Variants in KLHL2 observed in about 807,000 individuals in gnomAD.
KLHL2 encodes the protein kelch-like protein 2.
In KLHL2, 15 loss-of-function variants were observed where a neutral mutation model predicts 75.8. That is an observed-to-expected ratio of 0.20 (90% CI 0.13 to 0.30). KLHL2 has a LOEUF of 0.30. KLHL2 is among the 10% of genes least tolerant of loss of function. The pLI, the probability that KLHL2 is intolerant of heterozygous loss-of-function variation, is 1.00. For missense variants in KLHL2, 381 were observed against 741.0 expected (o/e 0.51, Z 5.64); for synonymous variants, 214 against 251.9 (o/e 0.85, Z 1.42).
chr4:165,270,312 C>T (rs1742585741), intron 5 of KLHL2, among the ~76,000 whole-genome samples: 1 of 152,178 alleles, frequency 6.6e-6, no homozygotes, highest in African/African-American at 2.4e-5. Flanking sequence ...CCTTCTGAAG[C>T]CTACTTCTGT....
chr4:165,317,783 C>T (rs1434725474), intron 13 of KLHL2, 43 bp from the exon 14 acceptor site: 5 of 1,522,070 alleles, frequency 3.3e-6, no homozygotes. Flanking sequence ...CATATTCATC[C>T]CAATTTTTTA....
At chr4:165,275,023 C>T (rs73860622) in intron 5 of KLHL2, among the ~76,000 whole-genome samples, 11,391 of 152,244 alleles carry the variant, frequency 0.075, 898 homozygotes, top group African/African-American at 0.2. Flanking sequence ...GTGACCAGAC[C>T]GCCCAGGTTA....
chr4:165,210,232 C>T, intron 1 of KLHL2: 2 of 1,493,544 alleles, frequency 1.3e-6, no homozygotes, highest in Non-Finnish European at 1.8e-6. Flanking sequence ...GAATGCCTGT[C>T]TCTGCCTGGC....
At chr4:165,209,971 T>G in intron 1 of KLHL2, 1 of 1,455,028 alleles carries the variant, frequency 6.9e-7, no homozygotes, top group Non-Finnish European at 9.1e-7. Context: ...GTGTGCCGGA[T>G]TTGAGACTTG....
At chr4:165,208,062 C>A (rs1736950410) in intron 1 of KLHL2, among the ~76,000 whole-genome samples, 160 bp downstream of exon 1, 1 of 151,778 alleles carries the variant, frequency 6.6e-6, no homozygotes, top group South Asian at 2.1e-4. Flanking sequence ...CCTGAGCGGA[C>A]GCGGACGGAA....
chr4:165,237,965 C>T (rs1486652141), intron 3 of KLHL2, among the ~76,000 whole-genome samples: 1 of 152,132 alleles, frequency 6.6e-6, no homozygotes, highest in Admixed American at 6.5e-5. Context: ...GCTTAGGGAC[C>T]ATCCCTTCTC....
intron 5 of KLHL2, among the ~76,000 whole-genome samples, chr4:165,276,211 T>C (rs1295156768): frequency 1.3e-5 from 2 of 152,214 alleles, no homozygotes; most frequent in Non-Finnish European, 2.9e-5. Flanking sequence ...AACTCTGTTA[T>C]TAGTTTATAT....
At chr4:165,215,645 G>A (rs943097861) in intron 1 of KLHL2, among the ~76,000 whole-genome samples, 6 of 152,128 alleles carry the variant, frequency 3.9e-5, no homozygotes, top group African/African-American at 1.4e-4. Context: ...CAAGGGCCAA[G>A]TATTTATGTC....
In KLHL2 at chr4:165,311,032, A is replaced by G. The variant is rs28441377; in HGVS notation, c.1237+282A>G. ...ACCACGCCCGGCTAATTTTTTTTGT[A>G]TTTTTTAGTAGAGACGGGGTTTCAC... On this transcript the variant is annotated intron_variant, in intron 10 of 14. Transcript: ENST00000226725. Among the ~76,000 whole-genome samples the G allele has an allele frequency of 3.9e-3, 585 of 151,278 alleles. 4 individuals carry two copies. The highest frequency in any genetic ancestry group is 0.014 in the African/African-American group (557 of 41,242).
intron 14 of KLHL2, chr4:165,321,344 C>T (rs538877020): frequency 2.2e-6 from 1 of 455,574 alleles, no homozygotes; most frequent in African/African-American, 2.0e-5. Flanking sequence ...GGATGAAGAC[C>T]TTGATGATGA....
chr4:165,299,031 A>G (rs1251393177), intron 7 of KLHL2, among the ~76,000 whole-genome samples: 1 of 142,878 alleles, frequency 7.0e-6, no homozygotes, highest in African/African-American at 2.6e-5. Flanking sequence ...TATTTGTGTT[A>G]TGGGTACGTT....
intron 4 of KLHL2, among the ~76,000 whole-genome samples, chr4:165,252,005 A>G (rs1313698909): frequency 6.6e-6 from 1 of 152,190 alleles, no homozygotes; most frequent in African/African-American, 2.4e-5. Flanking sequence ...TTATTAAAAT[A>G]TATGGTCCTT....
At chr4:165,250,003 G>A (rs1367544469) in intron 4 of KLHL2, among the ~76,000 whole-genome samples, 6 of 152,026 alleles carry the variant, frequency 3.9e-5, no homozygotes, top group East Asian at 3.9e-4. Context: ...GGGCGCCTGT[G>A]GTCCCAGCTA....
intron 13 of KLHL2, among the ~76,000 whole-genome samples, chr4:165,315,249 CTAATT>C (rs1024965928): frequency 2.0e-5 from 3 of 152,072 alleles, no homozygotes; most frequent in African/African-American, 4.8e-5. Context: ...AAAGGTTAGA[CTAATT>C]TATTTTTTCT....
chr4:165,232,659 G>T (rs541439023), intron 3 of KLHL2, among the ~76,000 whole-genome samples: 8 of 152,148 alleles, frequency 5.3e-5, no homozygotes, highest in Admixed American at 5.2e-4. Context: ...AGGATCGCTT[G>T]AGCCTAGGAA....
At chr4:165,233,007 C>T (rs978568478) in intron 3 of KLHL2, among the ~76,000 whole-genome samples, 2 of 150,910 alleles carry the variant, frequency 1.3e-5, no homozygotes, top group African/African-American at 4.9e-5. Flanking sequence ...GGGAGTTTCC[C>T]TACTCTTCTT....
intron 4 of KLHL2, among the ~76,000 whole-genome samples, chr4:165,244,901 A>C (rs979198036): frequency 6.6e-6 from 1 of 152,208 alleles, no homozygotes; most frequent in African/African-American, 2.4e-5. Flanking sequence ...TTTTCAAAAA[A>C]TAATTTTAAA....
In KLHL2 at chr4:165,315,750, C is replaced by A. The variant is rs367685779; in HGVS notation, c.1609+1584C>A. Reference sequence around the variant, plus strand: ...AATAACCTAGGCTAAGGACCTCATCCAAGCACCTAAATTATTGGAAAGAAA... The same window carrying A: ...AATAACCTAGGCTAAGGACCTCATCAAAGCACCTAAATTATTGGAAAGAAA... On this transcript the variant is annotated intron_variant, in intron 13 of 14. Coordinates refer to ENST00000226725, the MANE Select transcript of KLHL2 (RefSeq NM_007246.4). Among the ~76,000 whole-genome samples, 7 of 152,078 alleles carry A rather than the reference C, an allele frequency of 4.6e-5. No individual in the cohort carries two copies. In the East Asian group the frequency reaches 1.3e-3, roughly 29 times the overall value.
intron 11 of KLHL2, 40 bp from the exon 12 acceptor site, chr4:165,313,198 T>C (rs1300291215): frequency 1.9e-6 from 3 of 1,589,528 alleles, no homozygotes; most frequent in Non-Finnish European, 2.6e-6. Context: ...GTTTGTTTGT[T>C]TTTTAATAAA....
Sources: gnomAD v4.1 joint callset for allele counts (sites outside exome capture counted in the v4.1 genomes callset) on GRCh38, gnomAD v4.1.1 for gene constraint, MANE v1.5 for transcripts, NCBI Gene and HGNC (gene_info 2026-07-23, HGNC 2026-07-21) for gene names.